Variants in CCDC198 observed in about 807,000 individuals in gnomAD.
CCDC198 encodes the protein factor associated with metabolism and energy.
In CCDC198, 18 loss-of-function variants were observed where a neutral mutation model predicts 35.6. That is an observed-to-expected ratio of 0.51 (90% confidence interval 0.35 to 0.75). CCDC198 has a LOEUF of 0.75. CCDC198 is among the 30% of genes least tolerant of loss of function. The pLI, the probability that CCDC198 is intolerant of heterozygous loss-of-function variation, is 0.01. For missense variants in CCDC198, 365 were observed against 343.7 expected (o/e 1.06, Z -0.49); for synonymous variants, 119 against 113.4 (o/e 1.05, Z -0.31).
chr14:57,483,207 C>T, intron 2 of CCDC198, 56 bp from the exon 3 acceptor site: 7 of 1,612,676 alleles, frequency 4.3e-6, no homozygotes, highest in Non-Finnish European at 3.4e-6. Flanking sequence ...GATGATGAAA[C>T]AGAAAAGCCA....
At chr14:57,483,412 T>C (rs2067251956) in intron 2 of CCDC198, 1 of 427,970 alleles carries the variant, frequency 2.3e-6, no homozygotes, top group South Asian at 2.6e-5. Flanking sequence ...GAGACTAAGA[T>C]ACTCTTCTGT....
At chr14:57,474,090 A>G (rs886750360) in intron 5 of CCDC198, among the ~76,000 whole-genome samples, 2 of 152,146 alleles carry the variant, frequency 1.3e-5, no homozygotes, top group African/African-American at 4.8e-5. Context: ...TACCTGTTAT[A>G]CTCTTGTTAA....
At chr14:57,491,832 A>T (rs1052541134) in intron 1 of CCDC198, among the ~76,000 whole-genome samples, 1 of 152,082 alleles carries the variant, frequency 6.6e-6, no homozygotes, top group African/African-American at 2.4e-5. Flanking sequence ...ATTGTTTCAT[A>T]GACTATTTTA....
At chr14:57,478,584 G>A (rs893358270) in intron 5 of CCDC198, 16 of 987,034 alleles carry the variant, frequency 1.6e-5, no homozygotes, top group South Asian at 9.4e-5. Flanking sequence ...CAGGGACTTT[G>A]CCAATGCTGG....
chr14:57,476,781 T>C (rs2067011786), intron 5 of CCDC198, among the ~76,000 whole-genome samples: 1 of 152,064 alleles, frequency 6.6e-6, no homozygotes, highest in Non-Finnish European at 1.5e-5. Flanking sequence ...ACCCTGATAG[T>C]AGAATGCTTA....
intron 5 of CCDC198, among the ~76,000 whole-genome samples, chr14:57,473,875 ATC>A (rs1308613900): frequency 6.6e-6 from 1 of 152,148 alleles, no homozygotes; most frequent in African/African-American, 2.4e-5. Context: ...TACTCTCTGA[ATC>A]TCTCATTCAC....
At chr14:57,493,249 A>G (rs1227209739) in intron 1 of CCDC198, among the ~76,000 whole-genome samples, 1 of 152,178 alleles carries the variant, frequency 6.6e-6, no homozygotes, top group Non-Finnish European at 1.5e-5. Context: ...AAAATGATTT[A>G]TCCTTCTCAT....
At chr14:57,478,553 C>T (rs1004735973) in intron 5 of CCDC198, 5 of 987,178 alleles carry the variant, frequency 5.1e-6, no homozygotes, top group African/African-American at 3.5e-5. Context: ...CCTTGGTCCC[C>T]TCCAGGTCTG....
rs2067650376 is a variant in CCDC198, at chr14:57,493,582, TA to T, written c.133del (p.Tyr45IlefsTer68). On this transcript the variant is annotated frameshift_variant, in exon 1 of 6. Transcript: ENST00000216445. LOFTEE classifies it high-confidence loss of function. Reference sequence around the variant, plus strand: ...CTGGTCCTGCAGTCTTGCCAGTGAATATGAAGTCTTTTCTTCCAAATTCTGA... The same window carrying T: ...CTGGTCCTGCAGTCTTGCCAGTGAATTGAAGTCTTTTCTTCCAAATTCTGA... ...FNQNLEEKTS[Y>X]SLARLQDQNK... 3.1e-6 allele frequency: 5 copies of T among 1,613,994 alleles called. No individual in the cohort carries two copies. The East Asian group carries it at 1.1e-4, about 36-fold the overall frequency.
At position 57,475,188 on chromosome 14, in the gene CCDC198, G is replaced by A. The variant is rs551279251; in HGVS notation, c.656-3598C>T. The A allele has an allele frequency of 1.5e-3, 379 of 249,524 alleles. 3 individuals carry two copies. Among genetic ancestry groups the A allele is most frequent in the African/African-American group, 8.2e-3 (353 of 43,022 alleles). 15.5% of individuals were successfully genotyped at this position (249,524 alleles called of 1,614,324 possible). On this transcript the variant is annotated intron_variant, in intron 5 of 5. Coordinates refer to ENST00000216445, the MANE Select transcript of CCDC198 (RefSeq NM_018168.4). The stretch of plus-strand genomic sequence containing the variant: ...AGGCAGGAGAGTGGCGTGAACCCGG[G>A]AGGCGGAGCTTGCAGTGTGCAGAGA...
Position 57,489,068 on chromosome 14 carries a change from C to T in CCDC198, c.306+1921G>A, listed in dbSNP as rs922902777. On this transcript the variant is annotated intron_variant, in intron 2 of 5. Coordinates refer to ENST00000216445, the MANE Select transcript of CCDC198 (RefSeq NM_018168.4). ...AAATCATTCTATTATAAAGATACAT[C>T]GATGCATATGTTAATTGCAGCACTG... Among the ~76,000 whole-genome samples, 9 of 152,044 alleles carry T rather than the reference C, an allele frequency of 5.9e-5. No homozygotes were observed. The East Asian group carries it at 1.2e-3, about 20-fold the overall frequency.
chr14:57,475,478 G>T, intron 5 of CCDC198: 1 of 1,222,424 alleles, frequency 8.2e-7, no homozygotes, highest in Non-Finnish European at 1.1e-6. Context: ...GCTCATGCCT[G>T]TAATCGGATC....
chr14:57,474,522 T>A (rs920947584), intron 5 of CCDC198, among the ~76,000 whole-genome samples: 4 of 152,214 alleles, frequency 2.6e-5, no homozygotes, highest in African/African-American at 9.6e-5. Flanking sequence ...TCAGGTCTAA[T>A]GTTAGTGTAT....
At chr14:57,478,823 G>T in intron 5 of CCDC198, 7 of 1,109,188 alleles carry the variant, frequency 6.3e-6, no homozygotes, top group Admixed American at 3.8e-5. Context: ...CTTATTGATC[G>T]AGCGTCTTGT....
At chr14:57,478,632 G>A in intron 5 of CCDC198, 6 of 994,846 alleles carry the variant, frequency 6.0e-6, no homozygotes, top group Non-Finnish European at 6.0e-6. Context: ...ACTCTTAAAT[G>A]TCTAACTTTA....
intron 1 of CCDC198, 41 bp from the exon 2 acceptor site, chr14:57,491,112 A>G: frequency 1.3e-6 from 2 of 1,582,978 alleles, no homozygotes; most frequent in Non-Finnish European, 1.7e-6. Context: ...AACATTAAAT[A>G]TAATTTACTA....
At chr14:57,480,557 A>G (rs2067146245) in intron 5 of CCDC198, 38 bp downstream of exon 5, 1 of 1,604,416 alleles carries the variant, frequency 6.2e-7, no homozygotes, top group East Asian at 2.2e-5. Flanking sequence ...TTTTAAAAAC[A>G]CTTGAAATGT....
chr14:57,491,106 T>A (rs746516531), intron 1 of CCDC198, 35 bp from the exon 2 acceptor site: 1 of 1,593,088 alleles, frequency 6.3e-7, no homozygotes, highest in Non-Finnish European at 8.6e-7. Context: ...GAATAAAACA[T>A]TAAATATAAT....
At chr14:57,479,612 A>G (rs932049300) in intron 5 of CCDC198, among the ~76,000 whole-genome samples, 1 of 152,182 alleles carries the variant, frequency 6.6e-6, no homozygotes, top group Non-Finnish European at 1.5e-5. Flanking sequence ...GCCTTTTGTA[A>G]TAAACTCCCA....
Sources: gnomAD v4.1 joint callset for allele counts (sites outside exome capture counted in the v4.1 genomes callset) on GRCh38, gnomAD v4.1.1 for gene constraint, MANE v1.5 for transcripts, NCBI Gene and HGNC (gene_info 2026-07-23, HGNC 2026-07-21) for gene names.